Variants in CSMD3 observed in about 807,000 individuals in gnomAD.
The protein encoded by CSMD3 is CUB and Sushi multiple domains 3.
Under a neutral mutation model 435.2 loss-of-function variants are expected in CSMD3, and 177 were observed. The ratio of observed to expected loss-of-function variants is 0.41; its 90% confidence interval spans 0.36 to 0.46. The LOEUF (loss-of-function observed/expected upper bound fraction) is 0.46, where lower values mean the gene tolerates loss of function less well. CSMD3 is among the 20% of genes least tolerant of loss of function. The pLI, the probability that CSMD3 is intolerant of heterozygous loss-of-function variation, is 0.34. For synonymous variants in CSMD3, 1,656 were observed against 1,520.5 expected (o/e 1.09, Z -2.07); for missense variants, 4,265 against 4,504.6 (o/e 0.95, Z 1.52).
At chr8:113,432,702 G>C (rs1335503843) in intron 1 of CSMD3, among the ~76,000 whole-genome samples, 1 of 152,174 alleles carries the variant, frequency 6.6e-6, no homozygotes, top group African/African-American at 2.4e-5. Context: ...GTGCGTCTTA[G>C]ATAAGTTATT....
Position 112,574,370 on chromosome 8 carries a change from G to A in CSMD3, c.3886-713C>T, listed in dbSNP as rs894914131. Among the ~76,000 whole-genome samples the A allele has an allele frequency of 5.3e-5, 8 of 151,902 alleles. No homozygotes were observed. In the South Asian group the frequency reaches 6.2e-4, roughly 12 times the overall value. On this transcript the variant is annotated intron_variant, in intron 23 of 70. Transcript: ENST00000297405. ...TGACTCCATCATAACTTGCTCTACC[G>A]TTCCCGTATTAATGAACTCAAGTTT...
chr8:112,360,365 C>T lies in CSMD3; in HGVS notation c.6137-7831G>A, dbSNP rs78371558. ...ACTATGTTAGTGAGGTAGCTGAATA[C>T]TGAGATGCTCATTTTTAAACAAGAT... On this transcript the variant is annotated intron_variant, in intron 38 of 70. Transcript: ENST00000297405. Among the ~76,000 whole-genome samples the T allele has an allele frequency of 2.6e-5, 4 of 152,032 alleles. No homozygotes were observed. The East Asian group carries it at 7.7e-4, about 29-fold the overall frequency.
At chr8:113,348,889 G>A (rs1431529029) in intron 1 of CSMD3, among the ~76,000 whole-genome samples, 1 of 151,962 alleles carries the variant, frequency 6.6e-6, no homozygotes, top group Non-Finnish European at 1.5e-5. Context: ...CAAAAACTCT[G>A]TATAATTCTG....
chr8:112,587,214 G>T lies in CSMD3; in HGVS notation c.3737C>A (p.Thr1246Lys), dbSNP rs368354252. ...RCVAECGASA[T>K]NNEGILLSPN... ...AGACAGCAAAATTCCTTCATTATTC[G>T]TTGCAGATGCACCACATTCAGCTGC... The change falls in exon 23 of 71, where the codon ACG becomes AAG. Residue 1246 changes from threonine to lysine, a missense_variant. Physicochemically the swap from Thr to Lys is moderately conservative, Grantham distance 78. This residue lies in a region of CSMD3 where 3,255 missense variants were observed against 3,380.2 expected (regional missense o/e 0.96). Transcript: ENST00000297405. The T allele has an allele frequency of 6.2e-7, 1 of 1,609,064 alleles. No homozygotes were observed. The highest frequency in any genetic ancestry group is 8.5e-7 in the Non-Finnish European group (1 of 1,176,428).
rs553188746 is a variant in CSMD3, at chr8:112,638,712, A to C, written c.3510T>G (p.Phe1170Leu). 6.3e-7 allele frequency: 1 copy of C among 1,589,732 alleles called. No homozygotes were observed. Among genetic ancestry groups the C allele is most frequent in the African/African-American group, 1.3e-5 (1 of 74,394 alleles). Reference protein sequence around the residue: ...ISDFSISYEGFNITFSEYNLE... With the variant: ...ISDFSISYEGLNITFSEYNLE... ...TTTTCTCACCAGAGAATGTTATGTT[A>C]AATCCTTCATATGATATTGAAAAAT... The change falls in exon 21 of 71, where the codon TTT becomes TTG. Residue 1170 changes from phenylalanine (F) to leucine (L), a missense_variant. Phe to Leu is a conservative substitution (Grantham distance 22). Transcript: ENST00000297405.
At chr8:112,775,780 T>TAAGGAGAAAATAGA (rs2078230563) in intron 13 of CSMD3, among the ~76,000 whole-genome samples, 2 of 151,990 alleles carry the variant, frequency 1.3e-5, no homozygotes, top group East Asian at 3.9e-4. Flanking sequence ...TAAGCACCCA[T>TAAGGAGAAAATAGA]TGTGTGTTTT....
chr8:112,312,492 G>A (rs2130822545), intron 49 of CSMD3, among the ~76,000 whole-genome samples: 1 of 152,200 alleles, frequency 6.6e-6, no homozygotes, highest in Admixed American at 6.5e-5. Context: ...CTGACCTCAG[G>A]CAATCCACTC....
intron 27 of CSMD3, among the ~76,000 whole-genome samples, chr8:112,523,948 G>A (rs542477583): frequency 1.2e-4 from 18 of 152,142 alleles, no homozygotes; most frequent in African/African-American, 4.1e-4. Flanking sequence ...TTAATGCATG[G>A]TATGGAAAAG....
intron 32 of CSMD3, among the ~76,000 whole-genome samples, chr8:112,460,200 C>A (rs561322458): frequency 6.6e-6 from 1 of 152,128 alleles, no homozygotes; most frequent in African/African-American, 2.4e-5. Flanking sequence ...CCTGAACATT[C>A]AGATTCTAGC....
rs2093824881 is a variant in CSMD3, at chr8:113,306,768, ATATGT to A, written c.401+7798_401+7802del. Among the ~76,000 whole-genome samples, 4 of 152,154 alleles carry A rather than the reference ATATGT, an allele frequency of 2.6e-5. No homozygotes were observed. In the South Asian group the frequency reaches 8.3e-4, roughly 31 times the overall value. On this transcript the variant is annotated intron_variant, in intron 2 of 70. Transcript: ENST00000297405. The stretch of plus-strand genomic sequence containing the variant: ...CTGAAGGAGAAAAGGTCTACTTGTT[ATATGT>A]TAATTATAAAGAACCAAAAAGAAAT...
intron 2 of CSMD3, among the ~76,000 whole-genome samples, chr8:113,279,688 T>C (rs1488515440): frequency 6.6e-6 from 1 of 151,788 alleles, no homozygotes; most frequent in East Asian, 1.9e-4. Context: ...TTAAAAGTTA[T>C]TTTCATATAA....
intron 1 of CSMD3, among the ~76,000 whole-genome samples, chr8:113,358,613 T>C (rs751893149): frequency 1.3e-5 from 2 of 152,132 alleles, no homozygotes; most frequent in Non-Finnish European, 2.9e-5. Flanking sequence ...CTTACAATCA[T>C]GGCAGAAGGC....
In CSMD3 at chr8:112,406,725, C is replaced by G. The variant is rs756168429; in HGVS notation, c.5608G>C (p.Val1870Leu). Residue 1870 changes from valine (V) to leucine (L), a missense_variant and splice_region_variant, in exon 35 of 71, where the codon GTT becomes CTT. Coordinates refer to ENST00000297405, the MANE Select transcript of CSMD3 (RefSeq NM_198123.2). ...CATTGTGTAGAACTTGTTCTAGGAA[C>G]AGCTGTGTAGAAATATTATATTTAT... is the stretch of plus-strand genomic sequence containing the variant. The part of the protein sequence containing the change: ...AKGFHFVYQA[V>L]PRTSSTQCSS... 6.3e-7 allele frequency: 1 copy of G among 1,576,560 alleles called. No homozygotes were observed. The highest frequency in any genetic ancestry group is 1.7e-5 in the Admixed American group (1 of 59,504).
At chr8:113,105,421 G>A (rs1235149318) in intron 4 of CSMD3, among the ~76,000 whole-genome samples, 4 of 152,084 alleles carry the variant, frequency 2.6e-5, no homozygotes, top group Non-Finnish European at 5.9e-5. Context: ...TAGTCATAGG[G>A]CAAAGTTCTA....
At chr8:112,897,290 A>ATGTTT in intron 10 of CSMD3, among the ~76,000 whole-genome samples, 1 of 151,412 alleles carries the variant, frequency 6.6e-6, no homozygotes, top group South Asian at 2.1e-4. Context: ...TTATTTGTCA[A>ATGTTT]TGTTTTATTC....
intron 70 of CSMD3, among the ~76,000 whole-genome samples, chr8:112,225,950 A>C (rs1277051362): frequency 6.6e-6 from 1 of 152,154 alleles, no homozygotes; most frequent in East Asian, 1.9e-4. Flanking sequence ...TAATGGAAAA[A>C]AGGCAGACTT....
chr8:113,058,176 T>G (rs776552295), intron 5 of CSMD3, among the ~76,000 whole-genome samples: 34 of 151,922 alleles, frequency 2.2e-4, no homozygotes, highest in Non-Finnish European at 7.4e-5. Context: ...TCAAATAAAT[T>G]TTATTACCCT....
intron 5 of CSMD3, among the ~76,000 whole-genome samples, chr8:113,038,222 G>A (rs1051513961): frequency 2.0e-5 from 3 of 152,088 alleles, no homozygotes; most frequent in African/African-American, 2.4e-5. Flanking sequence ...GAAAAAAACT[G>A]TAGTTGGAAT....
At chr8:113,078,541 T>C (rs980818933) in intron 5 of CSMD3, among the ~76,000 whole-genome samples, 1 of 152,162 alleles carries the variant, frequency 6.6e-6, no homozygotes, top group African/African-American at 2.4e-5. Flanking sequence ...GAACATAAAA[T>C]TTCAATTGTA....
Sources: allele counts gnomAD v4.1 joint callset (sites outside exome capture counted in the v4.1 genomes callset), GRCh38; gene constraint gnomAD v4.1.1; regional missense constraint gnomAD v4.1.1; transcripts MANE v1.5; gene names NCBI Gene and HGNC (gene_info 2026-07-23, HGNC 2026-07-21).